The following MEI4 variants were observed in gnomAD, a reference collection of about 807,000 sequenced individuals.
MEI4 encodes the protein meiotic double-stranded break formation protein 4.
Under a neutral mutation model 31.4 loss-of-function variants are expected in MEI4, and 27 were observed. That is an observed-to-expected ratio of 0.86 (90% confidence interval 0.63 to 1.19). The LOEUF is 1.19. Ranked by LOEUF, MEI4 falls within the 50% of genes most tolerant of loss-of-function variation. The pLI, the probability that MEI4 is intolerant of heterozygous loss-of-function variation, is 0.00. For synonymous variants in MEI4, 122 were observed against 145.4 expected (o/e 0.84, Z 1.16); for missense variants, 329 against 398.9 (o/e 0.82, Z 1.49).
intron 3 of MEI4, among the ~76,000 whole-genome samples, chr6:77,808,728 G>C (rs1223560845): frequency 6.6e-6 from 1 of 152,150 alleles, no homozygotes; most frequent in Non-Finnish European, 1.5e-5. Context: ...TAATGTGAAG[G>C]ATATTTATTT....
chr6:77,874,055 T>A (rs1771267698), intron 4 of MEI4, among the ~76,000 whole-genome samples: 1 of 152,220 alleles, frequency 6.6e-6, no homozygotes, highest in African/African-American at 2.4e-5. Flanking sequence ...TCCAGCTTTG[T>A]TCTTTTGACT....
intron 2 of MEI4, among the ~76,000 whole-genome samples, chr6:77,702,260 C>G (rs1261360132): frequency 6.6e-6 from 1 of 152,176 alleles, no homozygotes; most frequent in Non-Finnish European, 1.5e-5. Flanking sequence ...AAATAACTGA[C>G]TTACCGACAC....
intron 3 of MEI4, among the ~76,000 whole-genome samples, chr6:77,774,972 G>A (rs1209470462): frequency 2.0e-5 from 3 of 152,002 alleles, no homozygotes; most frequent in Non-Finnish European, 4.4e-5. Flanking sequence ...ATCTTTCCTT[G>A]CCTCTTAACA....
intron 4 of MEI4, among the ~76,000 whole-genome samples, chr6:77,830,002 T>A (rs144440682): frequency 0.014 from 2,090 of 152,136 alleles, 21 homozygotes; most frequent in African/African-American, 0.03. Context: ...AGATTTTTTT[T>A]AAAAACTCAT....
chr6:77,906,901 A>C (rs1402927907), intron 4 of MEI4, among the ~76,000 whole-genome samples: 1 of 152,140 alleles, frequency 6.6e-6, no homozygotes, highest in Non-Finnish European at 1.5e-5. Context: ...AACCCAAAGC[A>C]TGGGTATGCT....
At position 77,735,360 on chromosome 6, in the gene MEI4, C is replaced by T. The variant is rs1189875307; in HGVS notation, c.233-25770C>T. On this transcript the variant is annotated intron_variant, in intron 2 of 4. Coordinates refer to ENST00000684080, the MANE Select transcript of MEI4 (RefSeq NM_001322247.2). ...TTTTATTCTTTTTTCTCTAAACTTCCCTTCTTGCTTCATTTCATTCATTTC... is the reference window on the plus strand; with the variant it reads ...TTTTATTCTTTTTTCTCTAAACTTCTCTTCTTGCTTCATTTCATTCATTTC... Among the ~76,000 whole-genome samples, 7 of 151,580 alleles carry T rather than the reference C, an allele frequency of 4.6e-5. No individual in the cohort carries two copies. In the South Asian group the frequency reaches 8.3e-4, roughly 18 times the overall value.
At chr6:77,729,232 C>G (rs1157147199) in intron 2 of MEI4, among the ~76,000 whole-genome samples, 3 of 152,188 alleles carry the variant, frequency 2.0e-5, no homozygotes, top group African/African-American at 7.2e-5. Context: ...CATACATTAA[C>G]CCATTTATGC....
chr6:77,735,764 T>A (rs1767181196), intron 2 of MEI4, among the ~76,000 whole-genome samples: 1 of 152,036 alleles, frequency 6.6e-6, no homozygotes. Flanking sequence ...TCTTTGTGGT[T>A]TTATCTATTT....
intron 4 of MEI4, among the ~76,000 whole-genome samples, chr6:77,880,324 G>A (rs1181982856): frequency 9.9e-5 from 15 of 150,990 alleles, no homozygotes; most frequent in East Asian, 2.0e-4. Context: ...TCCGCCTCCC[G>A]GGCTCACGCC....
chr6:77,678,997 A>G (rs536062660), intron 1 of MEI4, among the ~76,000 whole-genome samples: 21 of 152,358 alleles, frequency 1.4e-4, no homozygotes, highest in African/African-American at 5.0e-4. Flanking sequence ...GAATAAGGAC[A>G]TAAAGAAAAA....
intron 2 of MEI4, among the ~76,000 whole-genome samples, chr6:77,723,219 G>C (rs2127664256): frequency 7.0e-6 from 1 of 143,680 alleles, no homozygotes; most frequent in East Asian, 2.1e-4. Context: ...TTTTTTGTGG[G>C]GGCTCCCCTG....
intron 3 of MEI4, among the ~76,000 whole-genome samples, chr6:77,801,146 A>T (rs1358427822): frequency 6.6e-6 from 1 of 152,176 alleles, no homozygotes. Context: ...TTGGTAAGCT[A>T]TTAATTATTG....
chr6:77,739,177 T>C (rs1767332587), intron 2 of MEI4, among the ~76,000 whole-genome samples: 1 of 151,934 alleles, frequency 6.6e-6, no homozygotes, highest in South Asian at 2.1e-4. Context: ...CTGAATGGTA[T>C]TGCCTAAGTT....
At position 77,925,818 on chromosome 6, in the gene MEI4, A is replaced by C. The variant is rs568072802; in HGVS notation, c.*2472A>C. 6.7e-6 allele frequency: 1 copy of C among 148,190 alleles called. No individual in the cohort carries two copies. The highest frequency in any genetic ancestry group is 6.8e-5 in the Admixed American group (1 of 14,710). The allele number at this position is 148,190 out of a possible 1,614,324, so 9.2% of individuals were successfully genotyped here. A position where few individuals can be genotyped will look rare whatever the true frequency, so the allele number is the denominator to read the frequency against. ...AATATATATTAAATATTTTATATAC[A>C]TTTATATAATAAAATATATGAATAA... On this transcript the variant is annotated 3_prime_UTR_variant, in exon 5 of 5. Transcript: ENST00000684080.
Position 77,690,791 on chromosome 6 carries a change from G to A in MEI4, c.120G>A (p.Leu40=). The A allele has an allele frequency of 1.6e-6, 2 of 1,231,716 alleles. No individual in the cohort carries two copies. The highest frequency in any genetic ancestry group is 2.0e-6 in the Non-Finnish European group (2 of 987,452). 76.3% of individuals were successfully genotyped at this position (1,231,716 alleles called of 1,614,324 possible). ...ACACAGAGCACCTTGCTATGTTGCTGTCTGAGGAGCAGTCAAAATGGAGAT... is the reference window on the plus strand; with the variant it reads ...ACACAGAGCACCTTGCTATGTTGCTATCTGAGGAGCAGTCAAAATGGAGAT... ...REYTEHLAML[L]SEEQSKWRSK... The change falls in exon 2 of 5, where the codon CTG becomes CTA. Residue 40 remains leucine (L), a synonymous_variant. Coordinates refer to ENST00000684080, the MANE Select transcript of MEI4 (RefSeq NM_001322247.2).
intron 3 of MEI4, among the ~76,000 whole-genome samples, chr6:77,786,941 G>A (rs1390498061): frequency 6.6e-6 from 1 of 152,142 alleles, no homozygotes; most frequent in Non-Finnish European, 1.5e-5. Flanking sequence ...CAATATGAAA[G>A]CAGTCCTGCC....
At chr6:77,714,941 C>A (rs946443071) in intron 2 of MEI4, among the ~76,000 whole-genome samples, 1 of 152,102 alleles carries the variant, frequency 6.6e-6, no homozygotes, top group African/African-American at 2.4e-5. Context: ...TGCCTTTTTG[C>A]CTTGCAGTAG....
chr6:77,665,574 G>A (rs1768614563), intron 1 of MEI4, among the ~76,000 whole-genome samples: 1 of 152,172 alleles, frequency 6.6e-6, no homozygotes, highest in Non-Finnish European at 1.5e-5. Context: ...TAAGGGTGAA[G>A]GACCAAGGCA....
intron 4 of MEI4, among the ~76,000 whole-genome samples, chr6:77,879,312 G>T (rs1481080608): frequency 6.6e-6 from 1 of 152,058 alleles, no homozygotes; most frequent in Non-Finnish European, 1.5e-5. Context: ...CAAGCATCGA[G>T]AATTATAAAA....
Sources: gnomAD v4.1 joint callset for allele counts (sites outside exome capture counted in the v4.1 genomes callset) on GRCh38, gnomAD v4.1.1 for gene constraint, MANE v1.5 for transcripts, NCBI Gene and HGNC (gene_info 2026-07-23, HGNC 2026-07-21) for gene names.